The following CHL1 variants were observed in gnomAD, a reference collection of about 807,000 sequenced individuals.
CHL1 encodes neural cell adhesion molecule L1-like protein.
CHL1 carries 96 observed loss-of-function variants against 141.9 expected under a neutral mutation model. The observed-to-expected ratio is 0.68, with a 90% CI of 0.57 to 0.80. CHL1 has a LOEUF of 0.80. CHL1 is among the 30% of genes least tolerant of loss of function. The pLI, the probability that CHL1 is intolerant of heterozygous loss-of-function variation, is 0.00. For synonymous variants in CHL1, 613 were observed against 502.2 expected (o/e 1.22, Z -2.95); for missense variants, 1,820 against 1,457.2 (o/e 1.25, Z -4.05).
chr3:351,711 T>C (rs1044394718), intron 10 of CHL1, among the ~76,000 whole-genome samples: 3 of 152,162 alleles, frequency 2.0e-5, no homozygotes, highest in African/African-American at 4.8e-5. Context: ...ATTCTTTCTG[T>C]ATGTGCAATG....
chr3:382,760 G>A, intron 18 of CHL1, 89 bp downstream of exon 18: 2 of 1,161,678 alleles, frequency 1.7e-6, no homozygotes, highest in South Asian at 1.3e-5. Flanking sequence ...ATAGAGTAAT[G>A]TAGGATTTTA....
rs752101537 is a variant in CHL1 at position 363,239 on chromosome 3, C to A, written c.1441C>A (p.Pro481Thr). The A allele has an allele frequency of 5.0e-6, 8 of 1,611,718 alleles. No homozygotes were observed. Among genetic ancestry groups the A allele is most frequent in the African/African-American group, 1.3e-5 (1 of 74,684 alleles). Reference protein sequence around the residue: ...VSWQKVEEVKPLEGRRYHIYE... With the variant: ...VSWQKVEEVKTLEGRRYHIYE... Reference sequence around the variant, plus strand: ...TAGGCAGAAGGTGGAAGAAGTGAAACCCCTGGAGGGCAGGCGGTATCATAT... The same window carrying A: ...TAGGCAGAAGGTGGAAGAAGTGAAAACCCTGGAGGGCAGGCGGTATCATAT... The change falls in exon 14 of 28, where the codon CCC becomes ACC. Residue 481 changes from proline (P) to threonine (T), a missense_variant. Pro to Thr is a conservative substitution (Grantham distance 38). Transcript: ENST00000256509.
chr3:259,642 T>G (rs1173515913), intron 2 of CHL1, among the ~76,000 whole-genome samples: 1 of 152,164 alleles, frequency 6.6e-6, no homozygotes, highest in Non-Finnish European at 1.5e-5. Context: ...TTTTCATAGC[T>G]CTTATTACTT....
chr3:297,814 T>C (rs184574253), intron 2 of CHL1, among the ~76,000 whole-genome samples: 73 of 152,302 alleles, frequency 4.8e-4, no homozygotes, highest in Non-Finnish European at 9.1e-4. Context: ...AACAGACCCT[T>C]GGTTAACAAC....
At chr3:392,688 C>T (rs1471497229) in intron 23 of CHL1, among the ~76,000 whole-genome samples, 1 of 152,206 alleles carries the variant, frequency 6.6e-6, no homozygotes, top group Non-Finnish European at 1.5e-5. Flanking sequence ...TCAACTTGAT[C>T]ATAGTCCTGT....
At chr3:390,344 G>A (rs1708121130) in intron 20 of CHL1, among the ~76,000 whole-genome samples, 1 of 152,194 alleles carries the variant, frequency 6.6e-6, no homozygotes, top group Non-Finnish European at 1.5e-5. Context: ...ATGCTCAAAT[G>A]TTAGCTGTTA....
intron 2 of CHL1, among the ~76,000 whole-genome samples, chr3:309,746 C>T (rs1240614201): frequency 2.6e-5 from 4 of 152,102 alleles, no homozygotes; most frequent in African/African-American, 9.7e-5. Flanking sequence ...AACTCCTGGC[C>T]TTAGGTGATC....
At chr3:267,450 C>T (rs1382828161) in intron 2 of CHL1, among the ~76,000 whole-genome samples, 2 of 152,166 alleles carry the variant, frequency 1.3e-5, no homozygotes, top group Admixed American at 1.3e-4. Flanking sequence ...CTTCATAATA[C>T]TGCATTCACT....
At chr3:291,935 T>C (rs928487596) in intron 2 of CHL1, among the ~76,000 whole-genome samples, 17 of 152,328 alleles carry the variant, frequency 1.1e-4, no homozygotes, top group South Asian at 4.2e-4. Context: ...CTTTGTGTGT[T>C]TGGAAATATC....
At chr3:377,730 G>T in intron 15 of CHL1, 88 bp from the exon 16 acceptor site, 2 of 1,147,384 alleles carry the variant, frequency 1.7e-6, no homozygotes, top group Admixed American at 2.3e-5. Flanking sequence ...GATTGTTTTC[G>T]ATAAGGAATA....
At chr3:273,503 T>C (rs1423397803) in intron 2 of CHL1, among the ~76,000 whole-genome samples, 3 of 152,226 alleles carry the variant, frequency 2.0e-5, no homozygotes, top group African/African-American at 7.2e-5. Context: ...TCAAGACTTG[T>C]TTCCTCCAGT....
chr3:352,620 A>G (rs1244387711), intron 10 of CHL1, among the ~76,000 whole-genome samples: 2 of 152,186 alleles, frequency 1.3e-5, no homozygotes, highest in Non-Finnish European at 2.9e-5. Context: ...TTAAGGCTCA[A>G]GAAGCAGCTG....
intron 1 of CHL1, among the ~76,000 whole-genome samples, chr3:221,859 T>C (rs1342353068): frequency 6.6e-6 from 1 of 152,240 alleles, no homozygotes; most frequent in East Asian, 1.9e-4. Context: ...TGACTCAATT[T>C]ATAAAAATAT....
intron 16 of CHL1, among the ~76,000 whole-genome samples, chr3:378,779 A>T (rs867034901): frequency 2.4e-4 from 37 of 152,176 alleles, no homozygotes; most frequent in African/African-American, 7.9e-4. Context: ...TCCTCACACC[A>T]TTCCTTCTGA....
chr3:358,002 T>A (rs1449855463), intron 11 of CHL1, among the ~76,000 whole-genome samples: 2 of 152,208 alleles, frequency 1.3e-5, no homozygotes, highest in Non-Finnish European at 2.9e-5. Flanking sequence ...GAGCTACTCA[T>A]CTTGCTAATT....
chr3:235,286 T>A lies in CHL1; in HGVS notation c.-174-9327T>A, dbSNP rs530388661. Among the ~76,000 whole-genome samples the A allele has an allele frequency of 3.3e-5, 5 of 152,104 alleles. No individual in the cohort carries two copies. The South Asian group carries it at 1.0e-3, about 32-fold the overall frequency. Reference sequence around the variant, plus strand: ...TTTAAGGTTATCAAAATTATAAAGCTCCATCCTGGAGAAATGGTCATGTGA... The same window carrying A: ...TTTAAGGTTATCAAAATTATAAAGCACCATCCTGGAGAAATGGTCATGTGA... On this transcript the variant is annotated intron_variant, in intron 1 of 27. Coordinates refer to ENST00000256509, the MANE Select transcript of CHL1 (RefSeq NM_006614.4).
chr3:398,991 T>C, intron 25 of CHL1, 26 bp from the exon 26 acceptor site: 1 of 1,608,378 alleles, frequency 6.2e-7, no homozygotes, highest in Non-Finnish European at 8.5e-7. Flanking sequence ...TAGTTTACAA[T>C]GCTGTGACTT....
At chr3:244,952 C>A (rs990416303) in intron 2 of CHL1, among the ~76,000 whole-genome samples, 28 of 151,888 alleles carry the variant, frequency 1.8e-4, no homozygotes, top group African/African-American at 6.3e-4. Context: ...TGTTGGCTGA[C>A]CTGTTGGCAT....
intron 2 of CHL1, among the ~76,000 whole-genome samples, chr3:262,969 C>G (rs1465985376): frequency 1.3e-5 from 2 of 152,204 alleles, no homozygotes; most frequent in Non-Finnish European, 2.9e-5. Context: ...TTAATGACAG[C>G]TTCCTAATGA....
Sources: allele counts gnomAD v4.1 joint callset (sites outside exome capture counted in the v4.1 genomes callset), GRCh38; gene constraint gnomAD v4.1.1; transcripts MANE v1.5; gene names NCBI Gene and HGNC (gene_info 2026-07-23, HGNC 2026-07-21).